ARIH2: variants seen among roughly 807,000 people sequenced by gnomAD.
ARIH2 encodes the protein ariadne RBR E3 ubiquitin protein ligase 2, also known as E3 ubiquitin-protein ligase ARIH2.
ARIH2 carries 12 observed loss-of-function variants against 79.8 expected under a neutral mutation model. That is an observed-to-expected ratio of 0.15 (90% CI 0.10 to 0.24). The LOEUF (loss-of-function observed/expected upper bound fraction) is 0.24. ARIH2 is among the 10% of genes least tolerant of loss of function. ARIH2 has a pLI of 1.00. For missense variants in ARIH2, 301 were observed against 618.3 expected, an observed-to-expected ratio of 0.49 and a Z score of 5.44; for synonymous variants, 224 against 213.9, an observed-to-expected ratio of 1.05 and a Z score of -0.41.
In ARIH2 at chr3:48,975,349, A is replaced by G. The variant is rs2092442413; in HGVS notation, c.961+370A>G. Among the ~76,000 whole-genome samples the G allele has an allele frequency of 3.3e-5, 5 of 152,192 alleles. No homozygotes were observed. The South Asian group carries it at 1.0e-3, about 32-fold the overall frequency. ...TACCTTTACCAGAAGTAGTAAAATAATGGTTTTCCCTTGCCGTTTTACAAA... is the reference window on the plus strand; with the variant it reads ...TACCTTTACCAGAAGTAGTAAAATAGTGGTTTTCCCTTGCCGTTTTACAAA... On this transcript the variant is annotated intron_variant, in intron 11 of 15. Transcript: ENST00000356401.
intron 9 of ARIH2, 66 bp downstream of exon 9, chr3:48,973,882 A>G: frequency 8.0e-7 from 1 of 1,255,020 alleles, no homozygotes; most frequent in Non-Finnish European, 1.2e-6. Flanking sequence ...CTTGCCTTGG[A>G]GATTTGCCAT....
At chr3:48,932,835 A>G (rs1042842471) in intron 3 of ARIH2, among the ~76,000 whole-genome samples, 1 of 152,136 alleles carries the variant, frequency 6.6e-6, no homozygotes, top group Non-Finnish European at 1.5e-5. Context: ...CAGGAGGTGT[A>G]GTGAGCTACC....
At chr3:48,959,649 CAAAAA>C (rs71077758) in intron 3 of ARIH2, among the ~76,000 whole-genome samples, 6 of 50,118 alleles carry the variant, frequency 1.2e-4, no homozygotes, top group Admixed American at 2.6e-4. Context: ...TAAAAAATAC[CAAAAA>C]AAAAAAAAAA....
At chr3:48,976,280 C>T (rs1206330319) in intron 11 of ARIH2, among the ~76,000 whole-genome samples, 1 of 149,722 alleles carries the variant, frequency 6.7e-6, no homozygotes, top group Non-Finnish European at 1.5e-5. Context: ...ATGGTGTGAT[C>T]TTGGCTCAAT....
intron 4 of ARIH2, 32 bp downstream of exon 4, chr3:48,961,711 G>T (rs1363653219): frequency 7.2e-7 from 1 of 1,388,938 alleles, no homozygotes. Flanking sequence ...AGAGAACATT[G>T]CCCATAGCTC....
At chr3:48,969,471 C>CTTTTCT (rs1452081916) in intron 7 of ARIH2, among the ~76,000 whole-genome samples, 9 of 151,064 alleles carry the variant, frequency 6.0e-5, no homozygotes, top group Non-Finnish European at 1.0e-4. Flanking sequence ...ATATAATTTT[C>CTTTTCT]TTTTCTTTTT....
chr3:48,969,072 C>A (rs1437140196), intron 7 of ARIH2, among the ~76,000 whole-genome samples: 1 of 151,942 alleles, frequency 6.6e-6, no homozygotes, highest in African/African-American at 2.4e-5. Flanking sequence ...TTAGTAGAGA[C>A]GGGGTTTCAC....
intron 11 of ARIH2, among the ~76,000 whole-genome samples, chr3:48,978,994 G>A (rs529623048): frequency 4.6e-5 from 7 of 151,972 alleles, no homozygotes; most frequent in African/African-American, 1.7e-4. Context: ...TAAGAAATGT[G>A]TTTTTTAAAA....
At chr3:48,947,320 A>G (rs2089313259) in intron 3 of ARIH2, among the ~76,000 whole-genome samples, 1 of 152,172 alleles carries the variant, frequency 6.6e-6, no homozygotes, top group South Asian at 2.1e-4. Flanking sequence ...GCATGCCTAT[A>G]ATCCCAGCTA....
intron 3 of ARIH2, among the ~76,000 whole-genome samples, chr3:48,930,023 C>A (rs2086159244): frequency 6.6e-6 from 1 of 152,120 alleles, no homozygotes. Flanking sequence ...GGAAAATAAT[C>A]CACAAAAATT....
intron 3 of ARIH2, 56 bp from the exon 4 acceptor site, chr3:48,961,556 A>G (rs2091265860): frequency 8.7e-7 from 1 of 1,155,468 alleles, no homozygotes; most frequent in African/African-American, 1.5e-5. Context: ...CAAAATGCGA[A>G]ACACTTTAAA....
chr3:48,949,062 A>G (rs770317212), intron 3 of ARIH2: 8 of 456,564 alleles, frequency 1.8e-5, no homozygotes, highest in South Asian at 1.1e-4. Flanking sequence ...TTTCTCTTGT[A>G]TAGATAACTA....
At chr3:48,941,681 C>T (rs2088265451) in intron 3 of ARIH2, among the ~76,000 whole-genome samples, 2 of 151,242 alleles carry the variant, frequency 1.3e-5, no homozygotes, top group South Asian at 2.1e-4. Flanking sequence ...CAAGCTCCAC[C>T]TCCCGGGTTC....
chr3:48,964,048 A>T (rs958719900), intron 4 of ARIH2, among the ~76,000 whole-genome samples: 6 of 151,408 alleles, frequency 4.0e-5, no homozygotes, highest in Non-Finnish European at 7.4e-5. Context: ...TATTTTTTTT[A>T]AAGACAGAGT....
At chr3:48,927,866 G>C in intron 3 of ARIH2, 53 bp downstream of exon 3, 1 of 1,586,092 alleles carries the variant, frequency 6.3e-7, no homozygotes, top group Non-Finnish European at 8.6e-7. Flanking sequence ...ATCTAAGGAT[G>C]AGCTGTTGTT....
intron 3 of ARIH2, among the ~76,000 whole-genome samples, chr3:48,952,651 G>T (rs1321229730): frequency 1.3e-5 from 2 of 152,104 alleles, no homozygotes; most frequent in African/African-American, 2.4e-5. Context: ...AGAGTGAGAC[G>T]TGGAGGAAAA....
At chr3:48,939,791 CAAAAAAA>C (rs1172938316) in intron 3 of ARIH2, among the ~76,000 whole-genome samples, 2 of 127,428 alleles carry the variant, frequency 1.6e-5, no homozygotes, top group African/African-American at 5.7e-5. Flanking sequence ...AACAAAAAAA[CAAAAAAA>C]AAAACTGAAG....
In ARIH2 at chr3:48,933,235, GGTGTGTGTGTGTGTGTGTGTGT is replaced by G. The variant is rs57911300; in HGVS notation, c.255+5454_255+5475del. 4.1e-3 allele frequency among the ~76,000 whole-genome samples: 550 copies of G among 134,378 alleles called. 4 individuals carry two copies. The highest frequency in any genetic ancestry group is 0.017 in the East Asian group (78 of 4,580). 88.2% of individuals were successfully genotyped at this position (134,378 alleles called of 152,430 possible). ...ACCACAGGTGCGCACCACATGCCCG[GGTGTGTGTGTGTGTGTGTGTGT>G]GTGTGTGTGTGTGTGTGTGTGTGTG... On this transcript the variant is annotated intron_variant, in intron 3 of 15. Transcript: ENST00000356401.
At position 48,947,714 on chromosome 3, in the gene ARIH2, C is replaced by T. The variant is rs142735084; in HGVS notation, c.256-13898C>T. ...GACGTATGATTATGTGAGTGATTGC[C>T]GTTGAATTAAATTTGACAAACTTTC... On this transcript the variant is annotated intron_variant, in intron 3 of 15. Transcript: ENST00000356401. 7.8e-3 allele frequency among the ~76,000 whole-genome samples: 1,193 copies of T among 152,074 alleles called. 11 individuals carry two copies. The highest frequency in any genetic ancestry group is 0.027 in the African/African-American group (1,134 of 41,480).
Sources: allele counts gnomAD v4.1 joint callset (sites outside exome capture counted in the v4.1 genomes callset), GRCh38; gene constraint gnomAD v4.1.1; transcripts MANE v1.5; gene names NCBI Gene and HGNC (gene_info 2026-07-23, HGNC 2026-07-21).